PPP1R16B: variants seen among roughly 807,000 people sequenced by gnomAD.
PPP1R16B encodes protein phosphatase 1 regulatory subunit 16B.
Under a neutral mutation model 61.7 loss-of-function variants are expected in PPP1R16B, and 14 were observed. The observed-to-expected ratio is 0.23, with a 90% CI of 0.15 to 0.35. The LOEUF is 0.35. PPP1R16B is among the 10% of genes least tolerant of loss of function. The pLI is 1.00. For synonymous variants in PPP1R16B, 266 were observed against 305.3 expected, an observed-to-expected ratio of 0.87 and a Z score of 1.34; for missense variants, 547 against 752.5, an observed-to-expected ratio of 0.73 and a Z score of 3.19.
chr20:38,896,780 C>A (rs943843830), intron 4 of PPP1R16B, among the ~76,000 whole-genome samples: 2 of 152,100 alleles, frequency 1.3e-5, no homozygotes, highest in African/African-American at 2.4e-5. Context: ...TCCCTGCCTA[C>A]CCCTGGCTCC....
intron 1 of PPP1R16B, among the ~76,000 whole-genome samples, chr20:38,810,367 A>G (rs1315520724): frequency 6.6e-6 from 1 of 152,250 alleles, no homozygotes; most frequent in African/African-American, 2.4e-5. Context: ...GACCCGAGGC[A>G]GTCCCTCTGC....
intron 2 of PPP1R16B, among the ~76,000 whole-genome samples, chr20:38,888,613 A>T (rs539486699): frequency 6.6e-6 from 1 of 152,138 alleles, no homozygotes; most frequent in Admixed American, 6.5e-5. Flanking sequence ...GCAAAGCTGG[A>T]GGGCCTGAGA....
At chr20:38,829,261 TG>T (rs1318498443) in intron 1 of PPP1R16B, among the ~76,000 whole-genome samples, 14 of 152,252 alleles carry the variant, frequency 9.2e-5, no homozygotes, top group Admixed American at 9.2e-4. Context: ...CAAACTATTT[TG>T]GTTCATCCAC....
At chr20:38,808,970 T>C (rs553155697) in intron 1 of PPP1R16B, among the ~76,000 whole-genome samples, 3 of 151,698 alleles carry the variant, frequency 2.0e-5, no homozygotes, top group Admixed American at 1.3e-4. Context: ...GAGCAGGAGG[T>C]TGCAATGAGC....
intron 5 of PPP1R16B, 73 bp downstream of exon 5, chr20:38,900,757 G>A (rs1264116842): frequency 5.7e-5 from 69 of 1,205,998 alleles, no homozygotes; most frequent in East Asian, 3.0e-4. Flanking sequence ...ATCAATGCAG[G>A]CGAACAGATT....
intron 10 of PPP1R16B, among the ~76,000 whole-genome samples, chr20:38,911,178 T>TTTTTC (rs1452838359): frequency 6.7e-6 from 1 of 148,248 alleles, no homozygotes; most frequent in Non-Finnish European, 1.5e-5. Flanking sequence ...TTTCTTTTTT[T>TTTTTC]TTTTTTGAGA....
intron 2 of PPP1R16B, among the ~76,000 whole-genome samples, chr20:38,839,278 G>A (rs1393348912): frequency 6.6e-6 from 1 of 152,160 alleles, no homozygotes; most frequent in Non-Finnish European, 1.5e-5. Flanking sequence ...AGAGGGTATG[G>A]CAAGACTTAG....
At chr20:38,852,617 G>C (rs868866755) in intron 2 of PPP1R16B, among the ~76,000 whole-genome samples, 3 of 152,250 alleles carry the variant, frequency 2.0e-5, no homozygotes, top group South Asian at 2.1e-4. Context: ...TGAGAGGCTT[G>C]TCAGGTGCTC....
At chr20:38,852,053 G>GA (rs561777910) in intron 2 of PPP1R16B, among the ~76,000 whole-genome samples, 215 of 152,276 alleles carry the variant, frequency 1.4e-3, no homozygotes, top group African/African-American at 5.0e-3. Flanking sequence ...GGCGGGGGGG[G>GA]AAGGCCTTGT....
At chr20:38,834,774 T>A (rs2084858576) in intron 1 of PPP1R16B, among the ~76,000 whole-genome samples, 1 of 152,056 alleles carries the variant, frequency 6.6e-6, no homozygotes, top group Admixed American at 6.6e-5. Context: ...TGATATATTA[T>A]AACAATATAA....
chr20:38,908,345 T>A (rs558111123), intron 10 of PPP1R16B, 152 bp downstream of exon 10: 2 of 1,007,958 alleles, frequency 2.0e-6, no homozygotes, highest in African/African-American at 3.3e-5. Context: ...TGATGATGGC[T>A]ACTGTAGTTA....
intron 1 of PPP1R16B, among the ~76,000 whole-genome samples, chr20:38,825,378 T>G (rs2145712509): frequency 6.6e-6 from 1 of 152,324 alleles, no homozygotes; most frequent in Middle Eastern, 3.4e-3. Flanking sequence ...AAGATCTTCC[T>G]GGTAAAATGC....
Position 38,918,560 on chromosome 20 carries a change from C to A in PPP1R16B, c.1598C>A (p.Thr533Asn). ...GRTSPYSSNG[T>N]SVYYTVTSGD... ...ACTTCACCGTACAGCAGCAATGGGACCTCGGTATATTACACGGTCACCAGC... is the reference window on the plus strand; with the variant it reads ...ACTTCACCGTACAGCAGCAATGGGAACTCGGTATATTACACGGTCACCAGC... The change falls in exon 11 of 11, where the codon ACC becomes AAC. Residue 533 changes from threonine to asparagine, a missense_variant. Thr to Asn is a moderately conservative substitution (Grantham distance 65). Coordinates refer to ENST00000299824, the MANE Select transcript of PPP1R16B (RefSeq NM_015568.4). The surrounding 1 kb of genome is among the most constrained non-coding windows in gnomAD (Gnocchi z 5.3). 2 of 1,561,306 alleles carry A rather than the reference C, an allele frequency of 1.3e-6. No individual in the cohort carries two copies. Among genetic ancestry groups the A allele is most frequent in the South Asian group, 1.2e-5 (1 of 82,294 alleles).
At chr20:38,905,494 A>C (rs531420993) in intron 6 of PPP1R16B, among the ~76,000 whole-genome samples, 2 of 152,304 alleles carry the variant, frequency 1.3e-5, no homozygotes, top group Admixed American at 1.3e-4. Context: ...TAGAAGCAGA[A>C]ATGCCTTTTA....
chr20:38,900,887 G>A (rs1478225690), intron 5 of PPP1R16B, among the ~76,000 whole-genome samples: 4 of 152,230 alleles, frequency 2.6e-5, no homozygotes, highest in Non-Finnish European at 4.4e-5. Context: ...AACATGCTGC[G>A]CAGAAGGGAG....
intron 2 of PPP1R16B, among the ~76,000 whole-genome samples, chr20:38,887,037 G>A (rs1320457471): frequency 2.6e-5 from 4 of 151,990 alleles, no homozygotes; most frequent in Non-Finnish European, 4.4e-5. Flanking sequence ...CCTAAAGGAC[G>A]AGGAGTGGGG....
chr20:38,808,381 C>T (rs1328275139), intron 1 of PPP1R16B, among the ~76,000 whole-genome samples: 2 of 152,094 alleles, frequency 1.3e-5, no homozygotes, highest in Admixed American at 1.3e-4. Flanking sequence ...CCTCTCCCAA[C>T]CTAGCCACCA....
At chr20:38,869,949 G>C (rs1214931412) in intron 2 of PPP1R16B, among the ~76,000 whole-genome samples, 1 of 150,590 alleles carries the variant, frequency 6.6e-6, no homozygotes, top group African/African-American at 2.5e-5. Flanking sequence ...TTTAAGACAC[G>C]GTCTCTCTCT....
intron 4 of PPP1R16B, among the ~76,000 whole-genome samples, chr20:38,898,242 G>A (rs185085350): frequency 6.8e-4 from 103 of 152,244 alleles, no homozygotes; most frequent in African/African-American, 2.4e-3. Flanking sequence ...TGGAAAGATG[G>A]TTGGTCTTTT....
Sources: allele counts gnomAD v4.1 joint callset (sites outside exome capture counted in the v4.1 genomes callset), GRCh38; gene constraint gnomAD v4.1.1; non-coding constraint Gnocchi (gnomAD v3.1); transcripts MANE v1.5; gene names NCBI Gene and HGNC (gene_info 2026-07-23, HGNC 2026-07-21).